EXOC5: variants seen among roughly 807,000 people sequenced by gnomAD.
The protein encoded by EXOC5 is exocyst complex component 5.
EXOC5 carries 17 observed loss-of-function variants against 90.8 expected under a neutral mutation model. The ratio of observed to expected loss-of-function variants is 0.19; its 90% confidence interval spans 0.13 to 0.28. The LOEUF (loss-of-function observed/expected upper bound fraction) is 0.28. Among genes scored for constraint, EXOC5 ranks in the 10% least tolerant of loss-of-function variants. The pLI is 1.00. For synonymous variants in EXOC5, 260 were observed against 270.0 expected, an observed-to-expected ratio of 0.96 and a Z score of 0.36; for missense variants, 569 against 830.6, an observed-to-expected ratio of 0.69 and a Z score of 3.87.
chr14:57,232,580 T>C, intron 10 of EXOC5, 87 bp downstream of exon 10: 1 of 591,820 alleles, frequency 1.7e-6, no homozygotes, highest in South Asian at 2.7e-5. Flanking sequence ...GACAAACTTA[T>C]TCAAAAATAC....
chr14:57,246,134 A>T (rs1327543108), intron 3 of EXOC5, among the ~76,000 whole-genome samples: 1 of 152,150 alleles, frequency 6.6e-6, no homozygotes, highest in Non-Finnish European at 1.5e-5. Context: ...CTAGGACCTA[A>T]GAGTGACTAA....
At chr14:57,263,730 A>C (rs904215944) in intron 1 of EXOC5, among the ~76,000 whole-genome samples, 1 of 134,232 alleles carries the variant, frequency 7.4e-6, no homozygotes, top group Non-Finnish European at 1.5e-5. Flanking sequence ...ACGCCACTGC[A>C]CTCCAGCCTA....
chr14:57,265,439 C>G (rs979393834), intron 1 of EXOC5, among the ~76,000 whole-genome samples: 3 of 152,222 alleles, frequency 2.0e-5, no homozygotes, highest in Middle Eastern at 3.4e-3. Flanking sequence ...ATAAAAAGAA[C>G]TGGCGGGGCA....
At chr14:57,245,773 C>T (rs536418857) in intron 3 of EXOC5, among the ~76,000 whole-genome samples, 1 of 152,186 alleles carries the variant, frequency 6.6e-6, no homozygotes, top group Admixed American at 6.5e-5. Context: ...GAAATCAAGG[C>T]CAGGAGCAGT....
chr14:57,226,504 T>C (rs1883312709), intron 12 of EXOC5, among the ~76,000 whole-genome samples: 1 of 152,182 alleles, frequency 6.6e-6, no homozygotes, highest in Admixed American at 6.5e-5. Flanking sequence ...CTCAGACTTT[T>C]TCAGAAACAG....
chr14:57,210,086 C>A (rs1198077355), intron 15 of EXOC5, 25 bp from the exon 16 acceptor site: 2 of 1,098,198 alleles, frequency 1.8e-6, no homozygotes, highest in Admixed American at 3.8e-5. Context: ...ATACAACATT[C>A]TTTAACCCAT....
Position 57,229,759 on chromosome 14 carries a change from T to C in EXOC5, c.1271A>G (p.Lys424Arg). The change falls in exon 12 of 18, where the codon AAA becomes AGA. Residue 424 changes from lysine to arginine, a missense_variant. Lys to Arg is a conservative substitution (Grantham distance 26). Transcript: ENST00000621441. ...CCTATGACATCTTTCAAAGGCTTGT[T>C]TGGTTTCTTGTAAAAGATTAACCAC... Reference protein sequence around the residue: ...EVVVNLLQETKQAFERCHRLS... With the variant: ...EVVVNLLQETRQAFERCHRLS... 1.3e-6 allele frequency: 2 copies of C among 1,524,634 alleles called. No individual in the cohort carries two copies. Among genetic ancestry groups the C allele is most frequent in the Non-Finnish European group, 8.9e-7 (1 of 1,129,110 alleles). 94.4% of individuals were successfully genotyped at this position (1,524,634 alleles called of 1,614,324 possible). A position where few individuals can be genotyped will look rare whatever the true frequency, so the allele number is the denominator to read the frequency against.
chr14:57,268,800 G>A lies in EXOC5; in HGVS notation c.-152C>T, dbSNP rs1333129503. The A allele has an allele frequency of 2.1e-6, 3 of 1,410,302 alleles. No homozygotes were observed. The highest frequency in any genetic ancestry group is 2.8e-6 in the Non-Finnish European group (3 of 1,089,720). The allele number at this position is 1,410,302 out of a possible 1,614,324, so 87.4% of individuals were successfully genotyped here. A position where few individuals can be genotyped will look rare whatever the true frequency, so the allele number is the denominator to read the frequency against. ...CCAGCTCCCCACAGATCCCAGGAGG[G>A]GCGGGAGAGCGGCCATGAAGCGAAG... On this transcript the variant is annotated 5_prime_UTR_variant, in exon 1 of 18. Coordinates refer to ENST00000621441, the MANE Select transcript of EXOC5 (RefSeq NM_006544.4).
chr14:57,239,561 C>T lies in EXOC5; in HGVS notation c.530+34G>A, dbSNP rs1883791151. On this transcript the variant is annotated intron_variant, in intron 5 of 17. Coordinates refer to ENST00000621441, the MANE Select transcript of EXOC5 (RefSeq NM_006544.4). The stretch of plus-strand genomic sequence containing the variant: ...CTATTTTATTTTATAAATTATACCA[C>T]ATATTCAAATTAGCTCTTGAGAAAT... 5.4e-6 allele frequency: 6 copies of T among 1,119,310 alleles called. No homozygotes were observed. In the East Asian group the frequency reaches 1.6e-4, roughly 29 times the overall value. The allele number at this position is 1,119,310 out of a possible 1,614,324, so 69.3% of individuals were successfully genotyped here. A position where few individuals can be genotyped will look rare whatever the true frequency, so the allele number is the denominator to read the frequency against.
intron 1 of EXOC5, 44 bp from the exon 2 acceptor site, chr14:57,247,756 G>A: frequency 2.1e-6 from 2 of 961,816 alleles, no homozygotes; most frequent in Non-Finnish European, 3.1e-6. Flanking sequence ...TCATATACAA[G>A]TACTTAATAT....
rs1228074774 is a variant in EXOC5 at position 57,204,035 on chromosome 14, T to C, written c.*4574A>G. 1 of 152,544 alleles carries C rather than the reference T, an allele frequency of 6.6e-6. No individual in the cohort carries two copies. The highest frequency in any genetic ancestry group is 1.5e-5 in the Non-Finnish European group (1 of 68,018). The allele number at this position is 152,544 out of a possible 1,614,324, so 9.4% of individuals were successfully genotyped here. On this transcript the variant is annotated 3_prime_UTR_variant, in exon 18 of 18. Coordinates refer to ENST00000621441, the MANE Select transcript of EXOC5 (RefSeq NM_006544.4). ...AAGTATGATGTGATATATTCCTATT[T>C]AAACTGGCTTTGTATGGTGAGGCAG...
chr14:57,250,381 AGAT>A (rs1884155372), intron 1 of EXOC5, among the ~76,000 whole-genome samples: 2 of 152,216 alleles, frequency 1.3e-5, no homozygotes, highest in Admixed American at 1.3e-4. Flanking sequence ...GTTCTCAAGA[AGAT>A]AAGGTATTAC....
chr14:57,219,315 G>T lies in EXOC5; in HGVS notation c.1526+7C>A. 1 of 1,455,840 alleles carries T rather than the reference G, an allele frequency of 6.9e-7. No individual in the cohort carries two copies. The highest frequency in any genetic ancestry group is 9.2e-7 in the Non-Finnish European group (1 of 1,090,200). 90.2% of individuals were successfully genotyped at this position (1,455,840 alleles called of 1,614,324 possible). On this transcript the variant is annotated splice_region_variant and intron_variant, in intron 14 of 17. Transcript: ENST00000621441. ...AATATCAATGAAAATCAGATAATTT[G>T]ACTAACCTTATTAGTGGCATAAGGT...
chr14:57,234,631 T>C (rs1003134065), intron 7 of EXOC5, among the ~76,000 whole-genome samples: 2 of 150,964 alleles, frequency 1.3e-5, no homozygotes, highest in African/African-American at 4.9e-5. Flanking sequence ...AATGGTGTCA[T>C]CTTGGCTAAC....
intron 1 of EXOC5, 168 bp downstream of exon 1, chr14:57,268,454 C>T: frequency 6.7e-7 from 1 of 1,482,058 alleles, no homozygotes. Flanking sequence ...TCCCCCATTT[C>T]ACGCTCCGCC....
At chr14:57,247,570 A>G in intron 2 of EXOC5, 48 bp downstream of exon 2, 2 of 802,054 alleles carry the variant, frequency 2.5e-6, no homozygotes, top group South Asian at 3.4e-5. Context: ...TTCTAACACT[A>G]ATGTGTACCA....
At chr14:57,238,079 AAAT>A (rs1490331379) in intron 5 of EXOC5, among the ~76,000 whole-genome samples, 21 of 151,344 alleles carry the variant, frequency 1.4e-4, no homozygotes, top group African/African-American at 4.6e-4. Flanking sequence ...TGCCAAAGAC[AAAT>A]GAAGAAGGAA....
intron 13 of EXOC5, 24 bp from the exon 14 acceptor site, chr14:57,219,466 G>A (rs780160946): frequency 6.5e-7 from 1 of 1,540,842 alleles, no homozygotes; most frequent in Non-Finnish European, 8.7e-7. Flanking sequence ...GCATACATAT[G>A]TTAGAATCAT....
chr14:57,231,992 G>A (rs1194255693), intron 10 of EXOC5: 6 of 294,266 alleles, frequency 2.0e-5, no homozygotes, highest in Non-Finnish European at 3.8e-5. Flanking sequence ...TGGCGACAGT[G>A]GCAGATTGGC....
Sources: allele counts gnomAD v4.1 joint callset (sites outside exome capture counted in the v4.1 genomes callset), GRCh38; gene constraint gnomAD v4.1.1; transcripts MANE v1.5; gene names NCBI Gene and HGNC (gene_info 2026-07-23, HGNC 2026-07-21).